Variants in PDE6G observed in about 807,000 individuals in gnomAD.
PDE6G encodes the protein phosphodiesterase 6G.
PDE6G carries 10 observed loss-of-function variants against 10.9 expected under a neutral mutation model. That is an observed-to-expected ratio of 0.91 (90% CI 0.56 to 1.55). PDE6G has a LOEUF of 1.55. PDE6G is among the 40% of genes most tolerant of loss of function. The pLI, the probability that PDE6G is intolerant of heterozygous loss-of-function variation, is 0.00. For synonymous variants in PDE6G, 41 were observed against 42.8 expected, an observed-to-expected ratio of 0.96 and a Z score of 0.16; for missense variants, 102 against 110.1, an observed-to-expected ratio of 0.93 and a Z score of 0.33.
chr17:81,653,299 G>C lies in PDE6G; in HGVS notation c.7C>G (p.Leu3Val), dbSNP rs1165789104. The C allele has an allele frequency of 1.2e-6, 2 of 1,613,082 alleles. No homozygotes were observed. Among genetic ancestry groups the C allele is most frequent in the Middle Eastern group, 1.7e-4 (1 of 6,058 alleles). MN[L>V]EPPKAEFRSA... is the part of the protein sequence containing the mutation. ...CGGAACTCAGCCTTGGGCGGTTCCA[G>C]GTTCATGGTGAGGCTGACGGAGACA... The change falls in exon 2 of 4, where the codon CTG becomes GTG. Residue 3 changes from leucine (L) to valine (V), a missense_variant. Coordinates refer to ENST00000331056, the MANE Select transcript of PDE6G (RefSeq NM_002602.4). This position sits in a 1 kb window ranked among gnomAD's most constrained non-coding sequence, Gnocchi z 5.2.
chr17:81,656,478 T>G lies in PDE6G; in HGVS notation c.-60+15A>C, dbSNP rs1598721924. ...GTGGCTGCCAGGAAAGACAGCGGGG[T>G]TGGCCACTACTCACCAAGTGCAGGG... On this transcript the variant is annotated intron_variant, in intron 1 of 3. Transcript: ENST00000331056. The G allele has an allele frequency of 1.3e-6, 1 of 760,360 alleles. No homozygotes were observed. Among genetic ancestry groups the G allele is most frequent in the East Asian group, 2.4e-5 (1 of 41,028 alleles). 47.1% of individuals were successfully genotyped at this position (760,360 alleles called of 1,614,324 possible). A position where few individuals can be genotyped will look rare whatever the true frequency, so the allele number is the denominator to read the frequency against.
chr17:81,661,748 T>A (rs12936524), intron 1 of PDE6G, among the ~76,000 whole-genome samples: 13,245 of 150,854 alleles, frequency 0.088, 827 homozygotes, highest in East Asian at 0.22. Context: ...TAATCCCAGC[T>A]ACTTGGGAGA....
rs929429003 is a variant in PDE6G at position 81,653,605 on chromosome 17, G to A, written c.-59-241C>T. Reference sequence around the variant, plus strand: ...TGCAACGCTGGCCACACACAGCTCCGGACTCCCCCCTGTCCTGGCCTCCCT... The same window carrying A: ...TGCAACGCTGGCCACACACAGCTCCAGACTCCCCCCTGTCCTGGCCTCCCT... On this transcript the variant is annotated intron_variant, in intron 1 of 3. Coordinates refer to ENST00000331056, the MANE Select transcript of PDE6G (RefSeq NM_002602.4). The surrounding 1 kb of genome is among the most constrained non-coding windows in gnomAD (Gnocchi z 5.2). 1.1e-5 allele frequency: 5 copies of A among 459,624 alleles called. No homozygotes were observed. Among genetic ancestry groups the A allele is most frequent in the Middle Eastern group, 6.4e-4 (1 of 1,554 alleles). 28.5% of individuals were successfully genotyped at this position (459,624 alleles called of 1,614,324 possible).
chr17:81,651,145 T>A lies in PDE6G; in HGVS notation c.193A>T (p.Thr65Ser). The A allele has an allele frequency of 6.2e-7, 1 of 1,612,770 alleles. No individual in the cohort carries two copies. Among genetic ancestry groups the A allele is most frequent in the South Asian group, 1.1e-5 (1 of 91,066 alleles). Residue 65 changes from threonine (T) to serine (S), a missense_variant, in exon 4 of 4, where the codon ACA (threonine) becomes TCA (serine). Transcript: ENST00000331056. This position sits in a 1 kb window ranked among gnomAD's most constrained non-coding sequence, Gnocchi z 4.8. ...PGMEGLGTDI[T>S]VICPWEAFNH... ...AAGGCCTCCCAAGGGCAGATGACTG[T>A]GATGTCTGTGGGAGAAACGGGCCAC...
chr17:81,656,117 C>T (rs2036442587), intron 1 of PDE6G, among the ~76,000 whole-genome samples: 1 of 152,216 alleles, frequency 6.6e-6, no homozygotes, highest in Non-Finnish European at 1.5e-5. Context: ...CTGTCCTGGG[C>T]AGCTCTGGGC....
upstream of PDE6G, among the ~76,000 whole-genome samples, chr17:81,659,660 GT>G (rs1438438402): frequency 1.3e-5 from 2 of 152,066 alleles, no homozygotes; most frequent in African/African-American, 4.8e-5. Context: ...TTAAATTGTC[GT>G]TCACCACATT....
upstream of PDE6G, chr17:81,656,563 G>A (rs2036449933): frequency 3.9e-6 from 3 of 760,774 alleles, no homozygotes; most frequent in Admixed American, 5.1e-5. Context: ...GCCAGCCCCG[G>A]CCTTTATCTC....
upstream of PDE6G, among the ~76,000 whole-genome samples, chr17:81,657,830 G>A (rs527428208): frequency 2.0e-5 from 3 of 151,898 alleles, no homozygotes; most frequent in African/African-American, 7.2e-5. Flanking sequence ...GCAGTGAGCC[G>A]AGATCGCGCC....
At chr17:81,656,636 G>A (rs66656434), upstream of PDE6G, 8 of 709,002 alleles carry the variant, frequency 1.1e-5, no homozygotes, top group South Asian at 2.9e-5. Context: ...GGCCCCGAGG[G>A]GGGGCACAAC....
upstream of PDE6G, among the ~76,000 whole-genome samples, chr17:81,657,828 C>T (rs2036467138): frequency 6.6e-6 from 1 of 151,814 alleles, no homozygotes; most frequent in South Asian, 2.1e-4. Flanking sequence ...TTGCAGTGAG[C>T]CGAGATCGCG....
At position 81,653,323 on chromosome 17, in the gene PDE6G, C is replaced by A. The variant is rs2036395463; in HGVS notation, c.-18G>T. Reference sequence around the variant, plus strand: ...AGGTTCATGGTGAGGCTGACGGAGACACCGCGGCAACCTTGGCTCCTGGAC... The same window carrying A: ...AGGTTCATGGTGAGGCTGACGGAGAAACCGCGGCAACCTTGGCTCCTGGAC... On this transcript the variant is annotated 5_prime_UTR_variant, in exon 2 of 4. Transcript: ENST00000331056. The surrounding 1 kb of genome is among the most constrained non-coding windows in gnomAD (Gnocchi z 5.2). The A allele has an allele frequency of 6.2e-7, 1 of 1,610,698 alleles. No individual in the cohort carries two copies. Among genetic ancestry groups the A allele is most frequent in the Non-Finnish European group, 8.5e-7 (1 of 1,179,938 alleles).
intron 1 of PDE6G, among the ~76,000 whole-genome samples, chr17:81,654,302 T>C (rs1440498365): frequency 1.3e-5 from 2 of 152,070 alleles, no homozygotes; most frequent in African/African-American, 4.8e-5. Flanking sequence ...AGGTTCTGAT[T>C]TGCCGCTTCT....
upstream of PDE6G, among the ~76,000 whole-genome samples, chr17:81,657,383 A>C (rs1302576790): frequency 6.6e-6 from 1 of 152,150 alleles, no homozygotes; most frequent in Non-Finnish European, 1.5e-5. Flanking sequence ...CATGCCCACA[A>C]CCCAGAGCTA....
chr17:81,654,834 A>G (rs1475454831), intron 1 of PDE6G, among the ~76,000 whole-genome samples: 1 of 141,244 alleles, frequency 7.1e-6, no homozygotes, highest in Non-Finnish European at 1.5e-5. Context: ...TGCAAGCTCC[A>G]CCTCCTGGGT....
At chr17:81,657,955 G>C (rs935458672), upstream of PDE6G, among the ~76,000 whole-genome samples, 2 of 151,430 alleles carry the variant, frequency 1.3e-5, no homozygotes, top group Non-Finnish European at 2.9e-5. Context: ...CTCAAACAGC[G>C]CTTTGGGAGG....
Position 81,651,801 on chromosome 17 carries a change from TG to T in PDE6G, c.147-117del. ...ATGAGGTGTTTGGCTGGGAGCCCAG[TG>T]GGCAGAGACCCGCCTCCTCCCCAAC... On this transcript the variant is annotated intron_variant, in intron 2 of 3. Coordinates refer to ENST00000331056, the MANE Select transcript of PDE6G (RefSeq NM_002602.4). The surrounding 1 kb of genome is among the most constrained non-coding windows in gnomAD (Gnocchi z 4.8). The T allele has an allele frequency of 8.5e-7, 1 of 1,173,448 alleles. No homozygotes were observed. Among genetic ancestry groups the T allele is most frequent in the Non-Finnish European group, 1.2e-6 (1 of 805,942 alleles). The allele number at this position is 1,173,448 out of a possible 1,614,324, so 72.7% of individuals were successfully genotyped here. A position where few individuals can be genotyped will look rare whatever the true frequency, so the allele number is the denominator to read the frequency against.
At chr17:81,661,744 C>G (rs971617520) in intron 1 of PDE6G, among the ~76,000 whole-genome samples, 1 of 151,568 alleles carries the variant, frequency 6.6e-6, no homozygotes, top group African/African-American at 2.4e-5. Flanking sequence ...CCTGTAATCC[C>G]AGCTACTTGG....
At chr17:81,656,236 C>T (rs1032375478) in intron 1 of PDE6G, among the ~76,000 whole-genome samples, 3 of 152,322 alleles carry the variant, frequency 2.0e-5, no homozygotes, top group East Asian at 3.9e-4. Context: ...GCTGAGCCCA[C>T]GTGGCCTGAG....
upstream of PDE6G, among the ~76,000 whole-genome samples, chr17:81,658,026 A>AC (rs200919618): frequency 2.7e-4 from 40 of 150,172 alleles, no homozygotes; most frequent in South Asian, 2.7e-3. Context: ...ACATAGTGAG[A>AC]CCCCCCCATC....
Sources: allele counts gnomAD v4.1 joint callset (sites outside exome capture counted in the v4.1 genomes callset), GRCh38; gene constraint gnomAD v4.1.1; non-coding constraint Gnocchi (gnomAD v3.1); transcripts MANE v1.5; gene names NCBI Gene and HGNC (gene_info 2026-07-23, HGNC 2026-07-21).